Variants in STXBP5L observed in about 807,000 individuals in gnomAD.
STXBP5L encodes the protein syntaxin binding protein 5L.
STXBP5L carries 65 observed loss-of-function variants against 144.5 expected under a neutral mutation model. The ratio of observed to expected loss-of-function variants is 0.45; its 90% CI spans 0.37 to 0.55. STXBP5L has a LOEUF of 0.55. Among genes scored for constraint, STXBP5L ranks in the 20% least tolerant of loss-of-function variants. The pLI, the probability that STXBP5L is intolerant of heterozygous loss-of-function variation, is 0.00. For missense variants in STXBP5L, 1,298 were observed against 1,405.5 expected (o/e 0.92, Z 1.22); for synonymous variants, 505 against 469.6 (o/e 1.08, Z -0.97).
intron 19 of STXBP5L, among the ~76,000 whole-genome samples, chr3:121,297,200 ATATGTGTGTG>A (rs1463752910): frequency 1.6e-4 from 11 of 68,824 alleles, no homozygotes; most frequent in Middle Eastern, 5.6e-3. Context: ...ATTCTACATT[ATATGTGTGTG>A]TGTGTGTGTG....
chr3:121,181,729 C>T (rs953048394), intron 9 of STXBP5L, among the ~76,000 whole-genome samples: 2 of 151,964 alleles, frequency 1.3e-5, no homozygotes, highest in African/African-American at 4.8e-5. Flanking sequence ...TAGAATGAGA[C>T]CCTATCTCAA....
intron 3 of STXBP5L, among the ~76,000 whole-genome samples, chr3:121,010,438 GT>G (rs547846209): frequency 9.3e-5 from 14 of 151,146 alleles, no homozygotes; most frequent in African/African-American, 3.2e-4. Flanking sequence ...CCAGAATTCT[GT>G]TTTTTTTCTC....
At chr3:121,346,001 C>A (rs111878539) in intron 20 of STXBP5L, among the ~76,000 whole-genome samples, 1 of 151,514 alleles carries the variant, frequency 6.6e-6, no homozygotes, top group African/African-American at 2.4e-5. Context: ...GTGTGCACAA[C>A]GTGCGGGTTT....
At chr3:121,061,217 A>C (rs903785536) in intron 5 of STXBP5L, among the ~76,000 whole-genome samples, 9 of 151,952 alleles carry the variant, frequency 5.9e-5, no homozygotes, top group African/African-American at 2.2e-4. Context: ...TTCTGCCTTA[A>C]TTTTGTTATT....
At chr3:121,111,907 T>C (rs1244207128) in intron 5 of STXBP5L, among the ~76,000 whole-genome samples, 2 of 152,026 alleles carry the variant, frequency 1.3e-5, no homozygotes, top group African/African-American at 4.8e-5. Flanking sequence ...CAGAGTTCTG[T>C]CTGTAAATCC....
At chr3:121,068,124 C>G (rs1008152176) in intron 5 of STXBP5L, among the ~76,000 whole-genome samples, 4 of 152,238 alleles carry the variant, frequency 2.6e-5, no homozygotes, top group African/African-American at 9.6e-5. Flanking sequence ...ATACTCCTGC[C>G]TCGGCCTCCC....
chr3:121,094,373 G>A (rs2042998573), intron 5 of STXBP5L, among the ~76,000 whole-genome samples: 1 of 152,068 alleles, frequency 6.6e-6, no homozygotes. Context: ...ACAGTGGGGT[G>A]TTAAAGTCTC....
chr3:121,211,131 T>C (rs565697871), intron 10 of STXBP5L, among the ~76,000 whole-genome samples: 12 of 152,350 alleles, frequency 7.9e-5, no homozygotes, highest in Non-Finnish European at 1.0e-4. Flanking sequence ...AAGTTCTCCT[T>C]GAAGAGGTCC....
At chr3:121,299,792 G>T (rs568353038) in intron 19 of STXBP5L, among the ~76,000 whole-genome samples, 1 of 151,852 alleles carries the variant, frequency 6.6e-6, no homozygotes, top group African/African-American at 2.4e-5. Flanking sequence ...TTCAAGACCA[G>T]CCGGACCAAC....
intron 7 of STXBP5L, among the ~76,000 whole-genome samples, chr3:121,139,275 G>A (rs1470933033): frequency 6.6e-6 from 1 of 152,038 alleles, no homozygotes; most frequent in Admixed American, 6.6e-5. Context: ...AATATTTAAG[G>A]TGATGGATAT....
At position 121,183,012 on chromosome 3, in the gene STXBP5L, G is replaced by A. The variant is rs149851899; in HGVS notation, c.878-22911G>A. Among the ~76,000 whole-genome samples the A allele has an allele frequency of 4.2e-3, 643 of 152,238 alleles. 4 individuals carry two copies. Among genetic ancestry groups the A allele is most frequent in the African/African-American group, 0.015 (613 of 41,536 alleles). Reference sequence around the variant, plus strand: ...GATGCAGGGATAGCTTAACATACATGGGTGAATACATGTGATACATCACAT... The same window carrying A: ...GATGCAGGGATAGCTTAACATACATAGGTGAATACATGTGATACATCACAT... On this transcript the variant is annotated intron_variant, in intron 9 of 26. Transcript: ENST00000471454.
intron 9 of STXBP5L, among the ~76,000 whole-genome samples, chr3:121,183,765 C>A (rs2047258406): frequency 1.3e-5 from 2 of 152,230 alleles, no homozygotes; most frequent in South Asian, 4.1e-4. Flanking sequence ...TGCCTCCTGA[C>A]TGGGAGACAG....
chr3:121,061,222 G>T (rs1481041406), intron 5 of STXBP5L, among the ~76,000 whole-genome samples: 1 of 152,024 alleles, frequency 6.6e-6, no homozygotes, highest in African/African-American at 2.4e-5. Flanking sequence ...CCTTAATTTT[G>T]TTATTTACCC....
chr3:121,202,445 A>G (rs553923508), intron 9 of STXBP5L, among the ~76,000 whole-genome samples: 1 of 152,260 alleles, frequency 6.6e-6, no homozygotes, highest in South Asian at 2.1e-4. Context: ...GTTGGAGAAT[A>G]CATATGCAAT....
chr3:121,047,668 C>A (rs1947617177), intron 5 of STXBP5L, among the ~76,000 whole-genome samples: 1 of 151,594 alleles, frequency 6.6e-6, no homozygotes. Context: ...GAAATAACAA[C>A]CCCTGCTTTT....
intron 14 of STXBP5L, among the ~76,000 whole-genome samples, chr3:121,249,359 C>A (rs192040594): frequency 1.3e-3 from 199 of 152,030 alleles, no homozygotes; most frequent in Non-Finnish European, 2.4e-3. Context: ...TATATATCTC[C>A]TTTTATTAAT....
intron 7 of STXBP5L, among the ~76,000 whole-genome samples, chr3:121,123,031 T>G (rs1476837259): frequency 6.6e-6 from 1 of 151,436 alleles, no homozygotes. Context: ...AAAATAAGCC[T>G]ACCAAAAAAG....
intron 3 of STXBP5L, among the ~76,000 whole-genome samples, chr3:120,972,148 T>TGGGCA (rs1940347139): frequency 2.0e-5 from 3 of 152,136 alleles, no homozygotes; most frequent in Admixed American, 2.0e-4. Context: ...GCATTGAATA[T>TGGGCA]GTACATTGAT....
intron 2 of STXBP5L, among the ~76,000 whole-genome samples, chr3:120,918,116 T>A (rs1280851491): frequency 6.6e-6 from 1 of 152,204 alleles, no homozygotes; most frequent in Non-Finnish European, 1.5e-5. Context: ...CCAGCCCCCT[T>A]CCATTTTCAA....
Sources: gnomAD v4.1 joint callset for allele counts (sites outside exome capture counted in the v4.1 genomes callset) on GRCh38, gnomAD v4.1.1 for gene constraint, MANE v1.5 for transcripts, NCBI Gene and HGNC (gene_info 2026-07-23, HGNC 2026-07-21) for gene names.